Variants in GPR180 observed in about 807,000 individuals in gnomAD.
GPR180 encodes the protein integral membrane protein GPR180.
In GPR180, 53 loss-of-function variants were observed where a neutral mutation model predicts 52.6. The observed-to-expected ratio is 1.01, with a 90% confidence interval of 0.81 to 1.27. The LOEUF (loss-of-function observed/expected upper bound fraction) is 1.27, where lower values mean the gene tolerates loss of function less well. GPR180 is among the 50% of genes most tolerant of loss of function. The pLI is 0.00. For synonymous variants in GPR180, 200 were observed against 193.1 expected (o/e 1.04, Z -0.30); for missense variants, 533 against 527.0 (o/e 1.01, Z -0.11).
Position 94,623,411 on chromosome 13 carries a change from C to T in GPR180, c.1086+111C>T, listed in dbSNP as rs1889879440. 5 of 762,686 alleles carry T rather than the reference C, an allele frequency of 6.6e-6. No individual in the cohort carries two copies. The Admixed American group carries it at 7.3e-5, about 11-fold the overall frequency. 47.2% of individuals were successfully genotyped at this position (762,686 alleles called of 1,614,324 possible). A position where few individuals can be genotyped will look rare whatever the true frequency, so the allele number is the denominator to read the frequency against. On this transcript the variant is annotated intron_variant, in intron 7 of 8. Transcript: ENST00000376958. ...ACTTTTATTAAACTTCTGGGTTGGG[C>T]ACAGTGGCTCACTCCTATAATCCCA...
chr13:94,612,473 AAATG>A, intron 3 of GPR180, 83 bp downstream of exon 3: 1 of 1,027,678 alleles, frequency 9.7e-7, no homozygotes, highest in Non-Finnish European at 1.4e-6. Flanking sequence ...TTAAAATCAA[AAATG>A]AAAGCAACCT....
chr13:94,606,274 C>A (rs372216629), intron 2 of GPR180, among the ~76,000 whole-genome samples: 233 of 152,258 alleles, frequency 1.5e-3, no homozygotes, highest in African/African-American at 5.4e-3. Flanking sequence ...CCAGCCTGGG[C>A]GACAGAGTGA....
At chr13:94,623,043 T>C (rs1437890396) in intron 6 of GPR180, 66 bp from the exon 7 acceptor site, 2 of 1,190,226 alleles carry the variant, frequency 1.7e-6, no homozygotes, top group Non-Finnish European at 1.2e-6. Context: ...TATTAAAGAG[T>C]TGAAAAAAAT....
At chr13:94,608,576 C>T (rs1306727680) in intron 2 of GPR180, among the ~76,000 whole-genome samples, 1 of 152,060 alleles carries the variant, frequency 6.6e-6, no homozygotes, top group African/African-American at 2.4e-5. Flanking sequence ...AAATCCAAAT[C>T]TTAAGTCTCT....
chr13:94,602,503 A>T (rs1280063360), intron 1 of GPR180, among the ~76,000 whole-genome samples: 13 of 66,634 alleles, frequency 2.0e-4, no homozygotes, highest in Non-Finnish European at 2.2e-4. Context: ...TTTTTTTTTT[A>T]AAGACCAATT....
chr13:94,618,425 T>TTTTTTTTTTTTTTTTTTG (rs1889808426), intron 3 of GPR180, among the ~76,000 whole-genome samples: 1 of 80,258 alleles, frequency 1.2e-5, no homozygotes, highest in Non-Finnish European at 2.9e-5. Flanking sequence ...ACAGGATTTT[T>TTTTTTTTTTTTTTTTTTG]TTTTTTTTTT....
rs559059999 is a variant in GPR180 at position 94,602,132 on chromosome 13, C to T, written c.145+60C>T. 3.0e-5 allele frequency: 38 copies of T among 1,248,334 alleles called. No homozygotes were observed. In the African/African-American group the frequency reaches 4.3e-4, roughly 14 times the overall value. The allele number at this position is 1,248,334 out of a possible 1,614,324, so 77.3% of individuals were successfully genotyped here. A position where few individuals can be genotyped will look rare whatever the true frequency, so the allele number is the denominator to read the frequency against. On this transcript the variant is annotated intron_variant, in intron 1 of 8. Transcript: ENST00000376958. The stretch of plus-strand genomic sequence containing the variant: ...GCTGGCCCATCCCGCCGGCTGAGTC[C>T]GCCGGCCGCTCCTCCCGGCCCCTCC...
At chr13:94,624,406 G>C (rs1022734397) in intron 7 of GPR180, among the ~76,000 whole-genome samples, 2 of 152,200 alleles carry the variant, frequency 1.3e-5, no homozygotes, top group Admixed American at 6.5e-5. Context: ...AGCTGCTGCT[G>C]CTGCAGCCCT....
At chr13:94,606,509 T>C (rs562269560) in intron 2 of GPR180, among the ~76,000 whole-genome samples, 4 of 152,230 alleles carry the variant, frequency 2.6e-5, no homozygotes, top group Admixed American at 6.5e-5. Context: ...TGCCATTGTT[T>C]CCATTTTGCA....
Position 94,605,438 on chromosome 13 carries a change from G to C in GPR180, c.193G>C (p.Val65Leu), listed in dbSNP as rs771132584. The C allele has an allele frequency of 3.1e-6, 5 of 1,614,064 alleles. No homozygotes were observed. The highest frequency in any genetic ancestry group is 4.2e-6 in the Non-Finnish European group (5 of 1,179,944). ...CAGAATCAACAACATAGCAGTAGCT[G>C]TTGGAAAAGAAGCTAAACTCTACCT... ...CVRINNIAVA[V>L]GKEAKLYLFQ... Residue 65 changes from valine to leucine, a missense_variant, in exon 2 of 9, where the codon GTT (valine) becomes CTT (leucine). Val to Leu is a conservative substitution (Grantham distance 32). Transcript: ENST00000376958.
In GPR180 at chr13:94,634,179, C is replaced by A. The variant is rs1316703718; in HGVS notation, c.*7008C>A. 1 of 151,878 alleles carries A rather than the reference C, an allele frequency of 6.6e-6. No individual in the cohort carries two copies. The highest frequency in any genetic ancestry group is 2.1e-4 in the South Asian group (1 of 4,824). The allele number at this position is 151,878 out of a possible 1,614,324, so 9.4% of individuals were successfully genotyped here. A position where few individuals can be genotyped will look rare whatever the true frequency, so the allele number is the denominator to read the frequency against. On this transcript the variant is annotated 3_prime_UTR_variant, in exon 9 of 9. Coordinates refer to ENST00000376958, the MANE Select transcript of GPR180 (RefSeq NM_180989.6). ...TCTGATTTTCAAAAGAAAAAAAATC[C>A]TGTTTAGTATTCTTAGTGGAATGAA...
chr13:94,602,949 CG>C (rs1889579752), intron 1 of GPR180, among the ~76,000 whole-genome samples: 1 of 151,870 alleles, frequency 6.6e-6, no homozygotes, highest in Non-Finnish European at 1.5e-5. Context: ...AAAGATGCAA[CG>C]ATGAACATCA....
intron 1 of GPR180, among the ~76,000 whole-genome samples, chr13:94,603,051 A>G (rs1251740240): frequency 6.6e-6 from 1 of 151,230 alleles, no homozygotes; most frequent in East Asian, 1.9e-4. Flanking sequence ...GGGAAATTAC[A>G]GAATTGACAG....
intron 3 of GPR180, among the ~76,000 whole-genome samples, chr13:94,618,138 A>G (rs9516448): frequency 0.24 from 36,255 of 152,084 alleles, 4,561 homozygotes; most frequent in East Asian, 0.33. Flanking sequence ...TTTGCCAGCC[A>G]TCTGTCTTTC....
At chr13:94,621,049 G>C in intron 5 of GPR180, 29 bp from the exon 6 acceptor site, 2 of 1,572,126 alleles carry the variant, frequency 1.3e-6, no homozygotes, top group South Asian at 2.4e-5. Flanking sequence ...GTGAAAACTT[G>C]GTTGACGTTG....
chr13:94,602,837 A>C (rs1479914963), intron 1 of GPR180, among the ~76,000 whole-genome samples: 9 of 152,134 alleles, frequency 5.9e-5, no homozygotes, highest in Admixed American at 3.9e-4. Flanking sequence ...CTCACAATTT[A>C]AGTGTTTTTC....
At chr13:94,605,265 A>T in intron 1 of GPR180, 126 bp from the exon 2 acceptor site, 2 of 775,950 alleles carry the variant, frequency 2.6e-6, no homozygotes, top group Non-Finnish European at 4.4e-6. Context: ...TTACCTAGTT[A>T]AGCGAGATTT....
intron 1 of GPR180, 54 bp downstream of exon 1, chr13:94,602,126 T>G: frequency 7.9e-7 from 1 of 1,266,000 alleles, no homozygotes; most frequent in South Asian, 2.6e-5. Flanking sequence ...TCCCGCCGGC[T>G]GAGTCCGCCG....
At position 94,634,571 on chromosome 13, in the gene GPR180, A is replaced by G. The variant is rs1337729363; in HGVS notation, c.*7400A>G. 1 of 152,078 alleles carries G rather than the reference A, an allele frequency of 6.6e-6. No individual in the cohort carries two copies. Among genetic ancestry groups the G allele is most frequent in the Non-Finnish European group, 1.5e-5 (1 of 68,022 alleles). The allele number at this position is 152,078 out of a possible 1,614,324, so 9.4% of individuals were successfully genotyped here. Reference sequence around the variant, plus strand: ...CTGCATGAAAACTATTGATTTCTGCATTCTAATTTTGTTCCCAGTCACCTA... The same window carrying G: ...CTGCATGAAAACTATTGATTTCTGCGTTCTAATTTTGTTCCCAGTCACCTA... On this transcript the variant is annotated 3_prime_UTR_variant, in exon 9 of 9. Transcript: ENST00000376958.
Sources: allele counts gnomAD v4.1 joint callset (sites outside exome capture counted in the v4.1 genomes callset), GRCh38; gene constraint gnomAD v4.1.1; transcripts MANE v1.5; gene names NCBI Gene and HGNC (gene_info 2026-07-23, HGNC 2026-07-21).